TPTE2: variants seen among roughly 807,000 people sequenced by gnomAD.
TPTE2 encodes the protein phosphatidylinositol 3,4,5-trisphosphate 3-phosphatase TPTE2.
A neutral mutation model predicts 78.6 loss-of-function variants in TPTE2; 53 were observed. That is an observed-to-expected ratio of 0.67 (90% CI 0.54 to 0.85). The LOEUF is 0.85. Among genes scored for constraint, TPTE2 ranks in the 40% least tolerant of loss-of-function variants. The pLI is 0.00. For missense variants in TPTE2, 461 were observed against 623.0 expected, an observed-to-expected ratio of 0.74 and a Z score of 2.77; for synonymous variants, 175 against 206.2, an observed-to-expected ratio of 0.85 and a Z score of 1.30.
chr13:19,423,954 T>C (rs988978597), intron 19 of TPTE2, among the ~76,000 whole-genome samples: 2 of 152,208 alleles, frequency 1.3e-5, no homozygotes, highest in African/African-American at 4.8e-5. Context: ...ATTGTTTGTA[T>C]GCATCTAAAA....
At chr13:19,490,442 G>C (rs922772893) in intron 3 of TPTE2, among the ~76,000 whole-genome samples, 4 of 152,026 alleles carry the variant, frequency 2.6e-5, no homozygotes. Context: ...CTGGAAATGA[G>C]GTTTTAGATG....
chr13:19,508,858 G>C (rs1869245066), intron 1 of TPTE2, among the ~76,000 whole-genome samples: 1 of 152,040 alleles, frequency 6.6e-6, no homozygotes, highest in Admixed American at 6.6e-5. Context: ...CTTCTAGAAA[G>C]AGCAAAAGAC....
At position 19,492,823 on chromosome 13, in the gene TPTE2, G is replaced by A. The variant is rs200218968; in HGVS notation, c.119+27C>T. 1,934 of 1,612,888 alleles carry A rather than the reference G, an allele frequency of 1.2e-3. 1 individual carries two copies. The highest frequency in any genetic ancestry group is 1.5e-3 in the Non-Finnish European group (1,719 of 1,179,054). ...CAGCTCTATGCACTCTTATGCATAC[G>A]TGTGTCTTCATGTATTTATAACTCA... On this transcript the variant is annotated intron_variant, in intron 3 of 19. Coordinates refer to ENST00000400230, the Ensembl canonical transcript of TPTE2.
chr13:19,499,430 A>C (rs1881615528), intron 1 of TPTE2, among the ~76,000 whole-genome samples: 1 of 148,894 alleles, frequency 6.7e-6, no homozygotes, highest in South Asian at 2.2e-4. Flanking sequence ...GTAAAAGAAC[A>C]GAAATTATAA....
chr13:19,455,623 A>C (rs986802463), intron 10 of TPTE2, among the ~76,000 whole-genome samples: 3 of 152,228 alleles, frequency 2.0e-5, no homozygotes, highest in Non-Finnish European at 2.9e-5. Context: ...TCAGGAAAGA[A>C]AACTACATAT....
At chr13:19,509,056 A>T (rs1869258038) in intron 1 of TPTE2, among the ~76,000 whole-genome samples, 1 of 152,220 alleles carries the variant, frequency 6.6e-6, no homozygotes, top group African/African-American at 2.4e-5. Context: ...TTATGTTAAA[A>T]GGGAAATCAC....
chr13:19,539,621 A>G (rs1233655429), upstream of TPTE2, among the ~76,000 whole-genome samples: 1 of 152,126 alleles, frequency 6.6e-6, no homozygotes, highest in Non-Finnish European at 1.5e-5. Context: ...CACGTGTCAA[A>G]TTTCCATATA....
chr13:19,506,115 ATGT>A (rs964296768), upstream of TPTE2, among the ~76,000 whole-genome samples: 11 of 126,638 alleles, frequency 8.7e-5, no homozygotes, highest in African/African-American at 2.6e-4. Context: ...GCATGAGTGT[ATGT>A]TATGTGTATA....
upstream of TPTE2, chr13:19,536,866 A>G (rs980034660): frequency 6.6e-6 from 1 of 151,468 alleles, no homozygotes; most frequent in Non-Finnish European, 1.5e-5. Flanking sequence ...TACATATATA[A>G]ATATATACAA....
At chr13:19,434,482 C>T (rs377464891) in intron 15 of TPTE2, among the ~76,000 whole-genome samples, 1 of 152,142 alleles carries the variant, frequency 6.6e-6, no homozygotes, top group Non-Finnish European at 1.5e-5. Flanking sequence ...TTGCCATTGG[C>T]AGTGGGGACA....
chr13:19,459,912 G>C (rs1726794130), intron 10 of TPTE2, among the ~76,000 whole-genome samples: 1 of 152,170 alleles, frequency 6.6e-6, no homozygotes, highest in Admixed American at 6.5e-5. Context: ...CGGGAACTCA[G>C]ACCCATCTGA....
chr13:19,473,131 T>C (rs1879727741), intron 6 of TPTE2, among the ~76,000 whole-genome samples: 1 of 152,202 alleles, frequency 6.6e-6, no homozygotes, highest in East Asian at 1.9e-4. Flanking sequence ...TGGCCACCAA[T>C]ACTGTGACTG....
chr13:19,497,139 G>A (rs1313087895), intron 1 of TPTE2, among the ~76,000 whole-genome samples: 4 of 151,718 alleles, frequency 2.6e-5, no homozygotes, highest in Admixed American at 6.6e-5. Flanking sequence ...CACCTGTCTT[G>A]GAGGGTCCTA....
At chr13:19,519,844 T>A (rs1366767924) in intron 1 of TPTE2, among the ~76,000 whole-genome samples, 4 of 152,162 alleles carry the variant, frequency 2.6e-5, no homozygotes, top group African/African-American at 4.8e-5. Flanking sequence ...AGGAACTGAG[T>A]TGAATATGTA....
rs760887468 is a variant in TPTE2 at position 19,424,944 on chromosome 13, T to C, written c.1466+3A>G. ...TTTCTATGGGTTTCTATTATATTCA[T>C]ACCTGTTATTTTGAATAAAAGACGT... On this transcript the variant is annotated splice_donor_region_variant and intron_variant, in intron 19 of 19. Coordinates refer to ENST00000400230, the Ensembl canonical transcript of TPTE2. The C allele has an allele frequency of 3.4e-6, 5 of 1,476,444 alleles. No homozygotes were observed. In the South Asian group the frequency reaches 4.9e-5, roughly 14 times the overall value. The allele number at this position is 1,476,444 out of a possible 1,614,324, so 91.5% of individuals were successfully genotyped here.
chr13:19,465,323 G>A lies in TPTE2; in HGVS notation c.613-5C>T. ...TCGCCTTTTGTTTTCTGAAACCTGA[G>A]AGTTTAAAATCATCATTAGTTTGTG... On this transcript the variant is annotated splice_region_variant and splice_polypyrimidine_tract_variant and intron_variant, in intron 8 of 19. Coordinates refer to ENST00000400230, the Ensembl canonical transcript of TPTE2. The A allele has an allele frequency of 1.2e-6, 2 of 1,613,724 alleles. No homozygotes were observed. The highest frequency in any genetic ancestry group is 1.1e-5 in the South Asian group (1 of 91,046).
chr13:19,445,563 C>T (rs571647657), intron 13 of TPTE2, among the ~76,000 whole-genome samples: 5 of 152,304 alleles, frequency 3.3e-5, no homozygotes, highest in Admixed American at 6.5e-5. Flanking sequence ...AGATTCATTA[C>T]CCTAAGACAG....
At position 19,440,642 on chromosome 13, in the gene TPTE2, C is replaced by G. The variant is rs545815498; in HGVS notation, c.974-2489G>C. On this transcript the variant is annotated intron_variant, in intron 13 of 19. Coordinates refer to ENST00000400230, the Ensembl canonical transcript of TPTE2. ...AAAATTAGCCAGGCATGGTGGTGCA[C>G]ACCTGTAATCCCAGTGACTCAGAAG... is the stretch of plus-strand genomic sequence containing the variant. Among the ~76,000 whole-genome samples the G allele has an allele frequency of 3.3e-5, 5 of 152,080 alleles. No homozygotes were observed. In the South Asian group the frequency reaches 1.0e-3, roughly 32 times the overall value.
chr13:19,499,102 T>C (rs1881585271), intron 1 of TPTE2, among the ~76,000 whole-genome samples: 2 of 152,020 alleles, frequency 1.3e-5, no homozygotes, highest in South Asian at 2.1e-4. Context: ...GAGCTAACTA[T>C]CCTAAATATA....
Sources: allele counts gnomAD v4.1 joint callset (sites outside exome capture counted in the v4.1 genomes callset), GRCh38; gene constraint gnomAD v4.1.1; transcripts MANE v1.5; gene names NCBI Gene and HGNC (gene_info 2026-07-23, HGNC 2026-07-21).